Variants in CCBE1 observed in about 807,000 individuals in gnomAD.
CCBE1 encodes the protein collagen and calcium binding EGF domains 1, also known as collagen and calcium-binding EGF domain-containing protein 1.
In CCBE1, 37 loss-of-function variants were observed where a neutral mutation model predicts 50.0. The ratio of observed to expected loss-of-function variants is 0.74; its 90% CI spans 0.57 to 0.97. The LOEUF is 0.97. Ranked by LOEUF, CCBE1 falls within the 50% of genes least tolerant of loss-of-function variation. CCBE1 has a pLI of 0.00. For missense variants in CCBE1, 538 were observed against 523.8 expected, an observed-to-expected ratio of 1.03 and a Z score of -0.26; for synonymous variants, 234 against 203.7, an observed-to-expected ratio of 1.15 and a Z score of -1.27.
intron 2 of CCBE1, among the ~76,000 whole-genome samples, chr18:59,680,200 G>A (rs1218565781): frequency 3.4e-5 from 5 of 146,840 alleles, no homozygotes; most frequent in East Asian, 2.1e-4. Context: ...CAGCCTGGGC[G>A]ACAGAGTGAG....
intron 2 of CCBE1, among the ~76,000 whole-genome samples, chr18:59,575,151 G>T (rs2052974966): frequency 6.6e-6 from 1 of 152,192 alleles, no homozygotes; most frequent in African/African-American, 2.4e-5. Context: ...GCAGTTCTCT[G>T]AAGGAACCAA....
chr18:59,580,781 GA>G (rs2053073305), intron 2 of CCBE1, among the ~76,000 whole-genome samples: 1 of 152,058 alleles, frequency 6.6e-6, no homozygotes, highest in Non-Finnish European at 1.5e-5. Flanking sequence ...AATAAAAGGG[GA>G]AAAAAACTTC....
chr18:59,576,858 T>A (rs1267568284), intron 2 of CCBE1, among the ~76,000 whole-genome samples: 1 of 152,148 alleles, frequency 6.6e-6, no homozygotes, highest in East Asian at 1.9e-4. Context: ...TCTTTTGAAG[T>A]GAGAATACCA....
intron 2 of CCBE1, among the ~76,000 whole-genome samples, chr18:59,502,265 C>T (rs968580821): frequency 6.6e-6 from 1 of 152,210 alleles, no homozygotes; most frequent in African/African-American, 2.4e-5. Flanking sequence ...TGTCAGGGCT[C>T]ATCAAACCTA....
intron 2 of CCBE1, among the ~76,000 whole-genome samples, chr18:59,595,781 T>C (rs2053341876): frequency 6.6e-6 from 1 of 152,344 alleles, no homozygotes; most frequent in Non-Finnish European, 1.5e-5. Flanking sequence ...GCAAAGGTAC[T>C]GTAAAGATTT....
chr18:59,504,160 A>G (rs908809368), intron 2 of CCBE1, among the ~76,000 whole-genome samples: 1 of 152,168 alleles, frequency 6.6e-6, no homozygotes, highest in Non-Finnish European at 1.5e-5. Context: ...ATATACATAC[A>G]TAGGGTCTCT....
intron 2 of CCBE1, among the ~76,000 whole-genome samples, chr18:59,602,462 T>C (rs887542225): frequency 1.7e-4 from 26 of 152,164 alleles, no homozygotes; most frequent in African/African-American, 6.3e-4. Context: ...CTAGTATGTA[T>C]GCAAAGTATA....
At chr18:59,472,578 A>T (rs1407955143) in intron 3 of CCBE1, among the ~76,000 whole-genome samples, 1 of 151,982 alleles carries the variant, frequency 6.6e-6, no homozygotes, top group African/African-American at 2.4e-5. Context: ...TTGGTCTTGA[A>T]CTCCTCAAAT....
intron 2 of CCBE1, among the ~76,000 whole-genome samples, chr18:59,567,378 T>A (rs1393387973): frequency 6.6e-6 from 1 of 152,176 alleles, no homozygotes; most frequent in African/African-American, 2.4e-5. Flanking sequence ...AGGTGATCCA[T>A]CCGCCTTGGC....
intron 2 of CCBE1, among the ~76,000 whole-genome samples, chr18:59,583,403 A>G (rs2053116088): frequency 2.0e-5 from 3 of 152,204 alleles, no homozygotes; most frequent in African/African-American, 7.2e-5. Flanking sequence ...GATTTCAGAC[A>G]TTTCTTCCAC....
chr18:59,535,908 G>A (rs539491958), intron 2 of CCBE1, among the ~76,000 whole-genome samples: 25 of 152,222 alleles, frequency 1.6e-4, no homozygotes, highest in Admixed American at 4.6e-4. Flanking sequence ...AGCTGGTCTT[G>A]AACAGCTGAG....
chr18:59,645,827 C>A (rs1246686533), intron 2 of CCBE1, among the ~76,000 whole-genome samples: 1 of 152,056 alleles, frequency 6.6e-6, no homozygotes, highest in Non-Finnish European at 1.5e-5. Context: ...ATCAGGAGAT[C>A]GAGACCATCC....
At chr18:59,516,361 C>T (rs1343101590) in intron 2 of CCBE1, among the ~76,000 whole-genome samples, 1 of 152,032 alleles carries the variant, frequency 6.6e-6, no homozygotes, top group Admixed American at 6.6e-5. Context: ...ACTTTTTCTT[C>T]CTTGCTAGGA....
At chr18:59,485,584 A>AT (rs1912776913) in intron 2 of CCBE1, among the ~76,000 whole-genome samples, 1 of 140,856 alleles carries the variant, frequency 7.1e-6, no homozygotes, top group Non-Finnish European at 1.5e-5. Context: ...GATATATCAG[A>AT]TATTTATTTA....
chr18:59,535,639 A>C (rs999964751), intron 2 of CCBE1, among the ~76,000 whole-genome samples: 2 of 152,238 alleles, frequency 1.3e-5, no homozygotes, highest in African/African-American at 4.8e-5. Flanking sequence ...GAAGCAACCC[A>C]AATGTTCAAC....
chr18:59,528,566 C>T lies in CCBE1; in HGVS notation c.213-48328G>A, dbSNP rs934916477. Among the ~76,000 whole-genome samples, 4 of 152,086 alleles carry T rather than the reference C, an allele frequency of 2.6e-5. No individual in the cohort carries two copies. In the South Asian group the frequency reaches 6.2e-4, roughly 24 times the overall value. On this transcript the variant is annotated intron_variant, in intron 2 of 10. Transcript: ENST00000439986. ...AGGCACTCTGGATTTTTGTTTTCAG[C>T]GTTTTTTTGTTGATTTTTTCTCAAT... is the stretch of plus-strand genomic sequence containing the variant.
intron 6 of CCBE1, among the ~76,000 whole-genome samples, chr18:59,449,656 G>T (rs1910840681): frequency 1.3e-5 from 2 of 152,008 alleles, no homozygotes; most frequent in Admixed American, 1.3e-4. Context: ...TGCTGTCTGG[G>T]GGCTGCTCCT....
rs1237677561 is a variant in CCBE1, at chr18:59,696,683, G to A, written c.158C>T (p.Ala53Val). The A allele has an allele frequency of 1.9e-6, 3 of 1,613,918 alleles. No individual in the cohort carries two copies. The highest frequency in any genetic ancestry group is 2.5e-6 in the Non-Finnish European group (3 of 1,179,950). The change falls in exon 2 of 11, where the codon GCG becomes GTG. Residue 53 changes from alanine to valine, a missense_variant. Ala to Val is a moderately conservative substitution (Grantham distance 64). Coordinates refer to ENST00000439986, the MANE Select transcript of CCBE1 (RefSeq NM_133459.4). ...CTTCAGACACGGGTATTTAGTCGTC[G>A]CGATTTTGCTCTCTGAGCAGATTTC... ...DREICSESKI[A>V]TTKYPCLKSS...
chr18:59,563,129 G>A (rs927216930), intron 2 of CCBE1, among the ~76,000 whole-genome samples: 4 of 152,216 alleles, frequency 2.6e-5, no homozygotes, highest in Admixed American at 1.3e-4. Flanking sequence ...GAGCTGCCCA[G>A]AACATCAAAT....
Sources: allele counts gnomAD v4.1 joint callset (sites outside exome capture counted in the v4.1 genomes callset), GRCh38; gene constraint gnomAD v4.1.1; transcripts MANE v1.5; gene names NCBI Gene and HGNC (gene_info 2026-07-23, HGNC 2026-07-21).